The following ADAMTS9 variants were observed in gnomAD, a reference collection of about 807,000 sequenced individuals.
ADAMTS9 encodes the protein ADAM metallopeptidase with thrombospondin type 1 motif 9.
In ADAMTS9, 107 loss-of-function variants were observed where a neutral mutation model predicts 257.1. The ratio of observed to expected loss-of-function variants is 0.42; its 90% confidence interval spans 0.36 to 0.49. The LOEUF is 0.49. ADAMTS9 is among the 20% of genes least tolerant of loss of function. ADAMTS9 has a pLI of 0.03. For synonymous variants in ADAMTS9, 982 were observed against 880.9 expected (o/e 1.11, Z -2.03); for missense variants, 2,353 against 2,469.1 (o/e 0.95, Z 1.00).
At position 64,542,476 on chromosome 3, in the gene ADAMTS9, G is replaced by A. The variant is rs537273220; in HGVS notation, c.5065-506C>T. Among the ~76,000 whole-genome samples, 25 of 136,346 alleles carry A rather than the reference G, an allele frequency of 1.8e-4. No homozygotes were observed. The East Asian group carries it at 2.8e-3, about 15-fold the overall frequency. 89.4% of individuals were successfully genotyped at this position (136,346 alleles called of 152,430 possible). On this transcript the variant is annotated intron_variant, in intron 32 of 39. Coordinates refer to ENST00000498707, the MANE Select transcript of ADAMTS9 (RefSeq NM_182920.2). ...GAGTTTTGCTCTTGTTGCCTAGGCC[G>A]GAGTGCAATGGCACAATCACAGCTC... is the stretch of plus-strand genomic sequence containing the variant.
At chr3:64,579,852 A>G (rs550766043) in intron 28 of ADAMTS9, among the ~76,000 whole-genome samples, 2 of 152,272 alleles carry the variant, frequency 1.3e-5, no homozygotes, top group East Asian at 3.9e-4. Flanking sequence ...GTGGTTTAAT[A>G]TTTAACTCAT....
chr3:64,567,946 A>G (rs1372463313), intron 29 of ADAMTS9, among the ~76,000 whole-genome samples: 1 of 152,176 alleles, frequency 6.6e-6, no homozygotes, highest in Non-Finnish European at 1.5e-5. Context: ...TATTTTCTAG[A>G]ACTTTCGTCA....
intron 28 of ADAMTS9, among the ~76,000 whole-genome samples, chr3:64,572,808 G>A (rs988918503): frequency 2.8e-4 from 43 of 152,076 alleles, no homozygotes; most frequent in Middle Eastern, 3.4e-3. Context: ...GGCCGGGTGC[G>A]GTGGCTCACG....
chr3:64,620,630 T>C (rs2106859412), intron 19 of ADAMTS9, among the ~76,000 whole-genome samples: 1 of 152,278 alleles, frequency 6.6e-6, no homozygotes. Flanking sequence ...ATCTCAGACA[T>C]CCATATATAC....
intron 27 of ADAMTS9, among the ~76,000 whole-genome samples, chr3:64,595,571 G>A (rs182645056): frequency 6.6e-6 from 1 of 152,276 alleles, no homozygotes; most frequent in East Asian, 1.9e-4. Context: ...ACTTTGCGAG[G>A]AGGTTTTGGG....
chr3:64,548,029 G>A (rs2083225300), intron 31 of ADAMTS9, among the ~76,000 whole-genome samples: 1 of 152,156 alleles, frequency 6.6e-6, no homozygotes, highest in South Asian at 2.1e-4. Flanking sequence ...TTGGGTGAGG[G>A]TGGGATAAAT....
At chr3:64,591,404 C>T (rs929407938) in intron 28 of ADAMTS9, among the ~76,000 whole-genome samples, 3 of 151,780 alleles carry the variant, frequency 2.0e-5, no homozygotes, top group Admixed American at 2.0e-4. Context: ...CGCACCACTG[C>T]ACTCCAGCCT....
intron 11 of ADAMTS9, among the ~76,000 whole-genome samples, chr3:64,643,615 G>T (rs758252499): frequency 1.3e-5 from 2 of 151,542 alleles, no homozygotes; most frequent in South Asian, 4.2e-4. Context: ...ACCATGCTCA[G>T]CTAAATTTTT....
chr3:64,633,888 G>GA lies in ADAMTS9; in HGVS notation c.1857-10dup, dbSNP rs765540307. The stretch of plus-strand genomic sequence containing the variant: ...TTCCACCATTTTTTGGTCTGAAAAA[G>GA]AAAAAATGTGAAGAGCACACACACT... On this transcript the variant is annotated splice_polypyrimidine_tract_variant and intron_variant, in intron 12 of 39. Transcript: ENST00000498707. 2.4e-5 allele frequency: 39 copies of GA among 1,602,900 alleles called. No individual in the cohort carries two copies. The highest frequency in any genetic ancestry group is 3.0e-5 in the Non-Finnish European group (35 of 1,175,740).
At chr3:64,553,919 A>C (rs2083300060) in intron 30 of ADAMTS9, among the ~76,000 whole-genome samples, 1 of 152,134 alleles carries the variant, frequency 6.6e-6, no homozygotes, top group Non-Finnish European at 1.5e-5. Context: ...ATCATTAAAA[A>C]GGTGAGATAG....
intron 22 of ADAMTS9, among the ~76,000 whole-genome samples, chr3:64,610,765 A>T (rs954003970): frequency 2.0e-5 from 3 of 152,156 alleles, no homozygotes; most frequent in African/African-American, 7.2e-5. Context: ...GCTGTAGAAC[A>T]TCATTTGGTA....
chr3:64,578,495 T>C (rs2083914109), intron 28 of ADAMTS9, among the ~76,000 whole-genome samples: 1 of 152,044 alleles, frequency 6.6e-6, no homozygotes, highest in Admixed American at 6.5e-5. Flanking sequence ...GGCAGAAGGG[T>C]GTAGTGGCTA....
chr3:64,616,233 C>G, intron 19 of ADAMTS9, 63 bp from the exon 20 acceptor site: 1 of 1,537,284 alleles, frequency 6.5e-7, no homozygotes, highest in Non-Finnish European at 9.0e-7. Flanking sequence ...TATCTATAGT[C>G]AACTGGTATT....
At position 64,681,127 on chromosome 3, in the gene ADAMTS9, A is replaced by G. The variant is rs77352296; in HGVS notation, c.679+74T>C. 2,102 of 1,493,610 alleles carry G rather than the reference A, an allele frequency of 1.4e-3. 25 individuals are homozygous for G. The African/African-American group carries it at 0.026, about 18-fold the overall frequency. The allele number at this position is 1,493,610 out of a possible 1,614,324, so 92.5% of individuals were successfully genotyped here. On this transcript the variant is annotated intron_variant, in intron 3 of 39. Transcript: ENST00000498707. ...GGTTGCACTTTGTAGACTGAAAGAG[A>G]GCTACATCTCTGTAGTATAGCAATT...
At chr3:64,522,725 T>C (rs1049465231) in intron 38 of ADAMTS9, among the ~76,000 whole-genome samples, 1 of 152,066 alleles carries the variant, frequency 6.6e-6, no homozygotes, top group Non-Finnish European at 1.5e-5. Context: ...AATTTGAGAG[T>C]GTTTTGAGTG....
intron 3 of ADAMTS9, among the ~76,000 whole-genome samples, chr3:64,668,863 GC>G (rs1370242445): frequency 6.6e-6 from 1 of 152,160 alleles, no homozygotes; most frequent in Non-Finnish European, 1.5e-5. Context: ...GCGCAGTTGG[GC>G]TGGAGCTCTT....
intron 29 of ADAMTS9, 116 bp downstream of exon 29, chr3:64,568,252 C>G: frequency 9.2e-7 from 1 of 1,088,622 alleles, no homozygotes; most frequent in South Asian, 1.7e-5. Context: ...CCCTCCCAGT[C>G]CCCGAGCTCC....
At chr3:64,641,806 C>A in intron 12 of ADAMTS9, 42 bp downstream of exon 12, 1 of 1,605,356 alleles carries the variant, frequency 6.2e-7, no homozygotes, top group Non-Finnish European at 8.5e-7. Flanking sequence ...ATTTCATGTT[C>A]CTGCCACGGC....
At chr3:64,639,314 A>ATTT (rs1559805129) in intron 12 of ADAMTS9, among the ~76,000 whole-genome samples, 4,470 of 79,186 alleles carry the variant, frequency 0.056, 137 homozygotes, top group East Asian at 0.12. Context: ...TTTTTTTTTA[A>ATTT]AAAAAAAAAA....
Sources: gnomAD v4.1 joint callset for allele counts (sites outside exome capture counted in the v4.1 genomes callset) on GRCh38, gnomAD v4.1.1 for gene constraint, MANE v1.5 for transcripts, NCBI Gene and HGNC (gene_info 2026-07-23, HGNC 2026-07-21) for gene names.